The following CSMD1 variants were observed in gnomAD, a reference collection of about 807,000 sequenced individuals.
The protein encoded by CSMD1 is CUB and Sushi multiple domains 1, also known as CUB and sushi domain-containing protein 1.
Under a neutral mutation model 417.5 loss-of-function variants are expected in CSMD1, and 213 were observed. The ratio of observed to expected loss-of-function variants is 0.51; its 90% CI spans 0.46 to 0.57. The LOEUF is 0.57. CSMD1 is among the 20% of genes least tolerant of loss of function. CSMD1 has a pLI of 0.00. For synonymous variants in CSMD1, 2,862 were observed against 1,736.8 expected (o/e 1.65, Z -16.11); for missense variants, 6,923 against 4,529.7 (o/e 1.53, Z -15.17).
At chr8:4,180,832 A>C (rs928228803) in intron 3 of CSMD1, among the ~76,000 whole-genome samples, 1 of 152,104 alleles carries the variant, frequency 6.6e-6, no homozygotes, top group African/African-American at 2.4e-5. Context: ...AACCAAAATA[A>C]CAACAATTAT....
intron 6 of CSMD1, among the ~76,000 whole-genome samples, chr8:3,748,209 G>C (rs1183716495): frequency 6.6e-6 from 1 of 152,148 alleles, no homozygotes. Context: ...AGGAAAAGTG[G>C]TTACGTGTTT....
intron 3 of CSMD1, among the ~76,000 whole-genome samples, chr8:4,404,317 G>A (rs985917738): frequency 2.0e-5 from 3 of 152,084 alleles, no homozygotes; most frequent in African/African-American, 7.2e-5. Flanking sequence ...ATTTGTTTAT[G>A]ATGTGGCTTT....
chr8:3,727,798 C>T (rs192140632), intron 6 of CSMD1, among the ~76,000 whole-genome samples: 19 of 152,136 alleles, frequency 1.2e-4, no homozygotes, highest in African/African-American at 4.3e-4. Context: ...AGGAAGGAAA[C>T]GCAGGTACAT....
At chr8:4,449,819 C>A (rs1364951864) in intron 2 of CSMD1, among the ~76,000 whole-genome samples, 4 of 152,080 alleles carry the variant, frequency 2.6e-5, no homozygotes, top group Non-Finnish European at 5.9e-5. Flanking sequence ...GCAAGCTTCC[C>A]CTCCTACGTT....
chr8:3,225,427 G>T (rs966149012), intron 27 of CSMD1, among the ~76,000 whole-genome samples: 1 of 150,982 alleles, frequency 6.6e-6, no homozygotes, highest in Non-Finnish European at 1.5e-5. Flanking sequence ...TTGTGCAGAA[G>T]CAATTGTCCC....
At chr8:4,792,983 A>AATAT (rs34947549) in intron 1 of CSMD1, among the ~76,000 whole-genome samples, 62 of 148,642 alleles carry the variant, frequency 4.2e-4, no homozygotes, top group African/African-American at 1.2e-3. Flanking sequence ...ATGTGTATGC[A>AATAT]ATATATATAT....
chr8:2,942,587 G>C lies in CSMD1; in HGVS notation c.10420C>G (p.Gln3474Glu), dbSNP rs763101468. Residue 3474 changes from glutamine to glutamate, a missense_variant, in exon 69 of 70, where the codon CAA becomes GAA. Gln to Glu is a conservative substitution (Grantham distance 29). Coordinates refer to ENST00000635120, the MANE Select transcript of CSMD1 (RefSeq NM_033225.6). Reference protein sequence around the residue: ...LERQDPLNPDQDSSSHYHGTS... With the variant: ...LERQDPLNPDEDSSSHYHGTS... ...CCGTGGTAATGACTGGAAGAGTCTT[G>C]ATCTGGGTTTAAAGGATCTGTAAGA... 1.5e-5 allele frequency: 24 copies of C among 1,594,506 alleles called. No individual in the cohort carries two copies. Among genetic ancestry groups the C allele is most frequent in the African/African-American group, 2.7e-5 (2 of 74,540 alleles).
intron 17 of CSMD1, among the ~76,000 whole-genome samples, chr8:3,389,602 C>T (rs943537877): frequency 6.6e-6 from 1 of 151,384 alleles, no homozygotes; most frequent in African/African-American, 2.4e-5. Flanking sequence ...GTAATAGGAA[C>T]GATTATCTTA....
chr8:3,523,903 AC>A (rs1797630488), intron 10 of CSMD1, among the ~76,000 whole-genome samples: 1 of 151,482 alleles, frequency 6.6e-6, no homozygotes, highest in South Asian at 2.1e-4. Context: ...ACATATGCAC[AC>A]ATGTACACGC....
intron 1 of CSMD1, among the ~76,000 whole-genome samples, chr8:4,969,720 C>T (rs1485037751): frequency 6.6e-6 from 1 of 152,004 alleles, no homozygotes; most frequent in African/African-American, 2.4e-5. Context: ...CTGGCTTTCT[C>T]TTCCACACTA....
chr8:4,148,082 C>T (rs902868875), intron 3 of CSMD1, among the ~76,000 whole-genome samples: 30 of 152,094 alleles, frequency 2.0e-4, no homozygotes, highest in African/African-American at 5.3e-4. Flanking sequence ...AGACTTTTCT[C>T]TTGAAAAACA....
At chr8:3,858,398 A>G (rs901380260) in intron 5 of CSMD1, among the ~76,000 whole-genome samples, 1 of 152,174 alleles carries the variant, frequency 6.6e-6, no homozygotes, top group Non-Finnish European at 1.5e-5. Context: ...AATGAATTCT[A>G]TGCTGTTTCT....
chr8:4,783,007 G>C (rs1423239541), intron 1 of CSMD1, among the ~76,000 whole-genome samples: 2 of 150,320 alleles, frequency 1.3e-5, no homozygotes, highest in Non-Finnish European at 2.9e-5. Context: ...GTGAGATCCA[G>C]ATGGTCATGT....
chr8:3,842,917 C>T (rs920231893), intron 5 of CSMD1, among the ~76,000 whole-genome samples: 11 of 152,134 alleles, frequency 7.2e-5, no homozygotes, highest in East Asian at 3.9e-4. Flanking sequence ...ATTTTAAAAA[C>T]GCACTGAAGA....
intron 1 of CSMD1, among the ~76,000 whole-genome samples, chr8:4,900,946 C>T (rs890065336): frequency 2.6e-5 from 4 of 152,304 alleles, no homozygotes; most frequent in East Asian, 3.9e-4. Flanking sequence ...CAGCACAGTG[C>T]GGCCACATGG....
intron 1 of CSMD1, among the ~76,000 whole-genome samples, chr8:4,962,004 T>C (rs1809522642): frequency 6.6e-6 from 1 of 152,088 alleles, no homozygotes; most frequent in African/African-American, 2.4e-5. Flanking sequence ...ACAAAATTTC[T>C]GTTATCTCTC....
At chr8:3,607,099 T>A (rs916471176) in intron 8 of CSMD1, among the ~76,000 whole-genome samples, 1 of 152,182 alleles carries the variant, frequency 6.6e-6, no homozygotes. Context: ...AAAAGTGTTT[T>A]TTCTTAATAT....
chr8:3,861,482 G>C (rs955835485), intron 5 of CSMD1, among the ~76,000 whole-genome samples: 3 of 152,128 alleles, frequency 2.0e-5, no homozygotes, highest in African/African-American at 4.8e-5. Flanking sequence ...CATAGATTTG[G>C]ACTCGTGAGG....
chr8:4,968,767 C>CA (rs1384741761), intron 1 of CSMD1, among the ~76,000 whole-genome samples: 2 of 151,918 alleles, frequency 1.3e-5, no homozygotes, highest in African/African-American at 4.8e-5. Flanking sequence ...TCTTCTTTAC[C>CA]AAAAATAATA....
Sources: allele counts gnomAD v4.1 joint callset (sites outside exome capture counted in the v4.1 genomes callset), GRCh38; gene constraint gnomAD v4.1.1; transcripts MANE v1.5; gene names NCBI Gene and HGNC (gene_info 2026-07-23, HGNC 2026-07-21).